The following PTPRD variants were observed in gnomAD, a reference collection of about 807,000 sequenced individuals.
PTPRD encodes the protein receptor-type tyrosine-protein phosphatase delta.
A neutral mutation model predicts 214.5 loss-of-function variants in PTPRD; 34 were observed. That is an observed-to-expected ratio of 0.16 (90% confidence interval 0.12 to 0.21). The LOEUF is 0.21. PTPRD is among the 10% of genes least tolerant of loss of function. The probability of loss-of-function intolerance (pLI) is 1.00; values close to 1 mark genes in which losing one functional copy is unlikely to be tolerated. For missense variants in PTPRD, 2,545 were observed against 2,398.7 expected, an observed-to-expected ratio of 1.06 and a Z score of -1.27; for synonymous variants, 1,128 against 845.7, an observed-to-expected ratio of 1.33 and a Z score of -5.79.
intron 2 of PTPRD, among the ~76,000 whole-genome samples, chr9:10,427,919 T>C (rs2098638911): frequency 6.6e-6 from 1 of 152,144 alleles, no homozygotes; most frequent in Non-Finnish European, 1.5e-5. Context: ...CTTAAGCATA[T>C]TCTTTCAAAA....
At chr9:9,470,960 T>C (rs2094546898) in intron 8 of PTPRD, among the ~76,000 whole-genome samples, 1 of 152,194 alleles carries the variant, frequency 6.6e-6, no homozygotes, top group Non-Finnish European at 1.5e-5. Flanking sequence ...CTGGATCTTT[T>C]CCTCACAAAT....
chr9:8,820,303 G>C (rs931299007), intron 11 of PTPRD, among the ~76,000 whole-genome samples: 4 of 152,086 alleles, frequency 2.6e-5, no homozygotes, highest in African/African-American at 9.7e-5. Flanking sequence ...AAGTGGCAGA[G>C]CTACTTACTG....
At chr9:10,052,412 C>T (rs1249092573) in intron 3 of PTPRD, among the ~76,000 whole-genome samples, 1 of 152,074 alleles carries the variant, frequency 6.6e-6, no homozygotes, top group East Asian at 1.9e-4. Context: ...TGTGTCATTC[C>T]CCACCTTCAA....
chr9:8,459,239 T>G (rs994852039), intron 33 of PTPRD, among the ~76,000 whole-genome samples: 2 of 152,012 alleles, frequency 1.3e-5, no homozygotes, highest in Non-Finnish European at 2.9e-5. Context: ...AGATTAAGCA[T>G]GTAAGCAAGA....
intron 10 of PTPRD, among the ~76,000 whole-genome samples, chr9:9,098,531 G>A (rs947689329): frequency 6.6e-6 from 1 of 152,162 alleles, no homozygotes; most frequent in African/African-American, 2.4e-5. Context: ...TTATAGGCAT[G>A]AGCCACCATG....
At chr9:8,791,114 G>A (rs1300424122) in intron 11 of PTPRD, among the ~76,000 whole-genome samples, 2 of 152,174 alleles carry the variant, frequency 1.3e-5, no homozygotes, top group African/African-American at 2.4e-5. Flanking sequence ...GCAGAAGAAA[G>A]TAGAATCCTC....
chr9:8,813,806 G>T (rs368058130), intron 11 of PTPRD, among the ~76,000 whole-genome samples: 1 of 152,208 alleles, frequency 6.6e-6, no homozygotes, highest in Non-Finnish European at 1.5e-5. Flanking sequence ...CAGTTCTGCT[G>T]TCTAATATCA....
At chr9:9,928,302 T>C (rs777500803) in intron 5 of PTPRD, among the ~76,000 whole-genome samples, 1 of 152,168 alleles carries the variant, frequency 6.6e-6, no homozygotes, top group Non-Finnish European at 1.5e-5. Flanking sequence ...TTAAATTTCA[T>C]ACCACATTAT....
chr9:8,771,668 T>C (rs949725656), intron 11 of PTPRD, among the ~76,000 whole-genome samples: 1 of 152,144 alleles, frequency 6.6e-6, no homozygotes, highest in Admixed American at 6.5e-5. Context: ...TCCAAAGTCA[T>C]CTAAAAAGAA....
chr9:9,492,500 C>A (rs934815844), intron 8 of PTPRD, among the ~76,000 whole-genome samples: 3 of 151,996 alleles, frequency 2.0e-5, no homozygotes, highest in African/African-American at 7.2e-5. Flanking sequence ...CAAAATGGTA[C>A]AACATATGAC....
At chr9:8,818,801 G>C (rs10977309) in intron 11 of PTPRD, among the ~76,000 whole-genome samples, 20,863 of 152,196 alleles carry the variant, frequency 0.14, 1,643 homozygotes, top group East Asian at 0.25. Flanking sequence ...TCACGATTTT[G>C]AATTTCAAAT....
intron 3 of PTPRD, among the ~76,000 whole-genome samples, chr9:10,276,973 G>A (rs1224033334): frequency 1.3e-5 from 2 of 152,020 alleles, no homozygotes; most frequent in Non-Finnish European, 2.9e-5. Flanking sequence ...CAATTATTTT[G>A]CCCTGGATAC....
intron 5 of PTPRD, among the ~76,000 whole-genome samples, chr9:9,793,260 G>A (rs367815597): frequency 5.9e-5 from 9 of 152,162 alleles, no homozygotes; most frequent in African/African-American, 2.2e-4. Context: ...GCTTTACTAT[G>A]AATAAAATGG....
chr9:9,131,599 T>A (rs949421284), intron 10 of PTPRD, among the ~76,000 whole-genome samples: 3 of 152,192 alleles, frequency 2.0e-5, no homozygotes, highest in Non-Finnish European at 4.4e-5. Flanking sequence ...TACAGAGAAG[T>A]ACACATAGTA....
At chr9:10,154,090 C>T (rs1222043860) in intron 3 of PTPRD, among the ~76,000 whole-genome samples, 2 of 152,144 alleles carry the variant, frequency 1.3e-5, no homozygotes, top group African/African-American at 4.8e-5. Context: ...ACACTCCCTA[C>T]AACAGTGTAT....
intron 7 of PTPRD, among the ~76,000 whole-genome samples, chr9:9,596,777 G>T (rs1021591111): frequency 6.6e-6 from 1 of 151,920 alleles, no homozygotes; most frequent in Non-Finnish European, 1.5e-5. Context: ...GTTAGCTTAA[G>T]TTAATTCTAA....
chr9:10,316,102 T>C lies in PTPRD; in HGVS notation c.-545+24861A>G, dbSNP rs117653618. 4.8e-3 allele frequency among the ~76,000 whole-genome samples: 669 copies of C among 139,426 alleles called. 2 individuals carry two copies. The highest frequency in any genetic ancestry group is 7.8e-3 in the Non-Finnish European group (516 of 65,874). The allele number at this position is 139,426 out of a possible 152,430, so 91.5% of individuals were successfully genotyped here. ...ATATATATGATGCTAAGGTAATTTA[T>C]GTGTATGTGTCTATATATATATATA... On this transcript the variant is annotated intron_variant, in intron 3 of 45. Transcript: ENST00000381196.
At chr9:8,367,858 C>T (rs1381087822) in intron 39 of PTPRD, among the ~76,000 whole-genome samples, 1 of 152,176 alleles carries the variant, frequency 6.6e-6, no homozygotes, top group Non-Finnish European at 1.5e-5. Flanking sequence ...AATCACTTTA[C>T]ACGGCTCTTA....
chr9:9,497,606 T>C (rs1040139715), intron 8 of PTPRD, among the ~76,000 whole-genome samples: 1 of 152,130 alleles, frequency 6.6e-6, no homozygotes, highest in Admixed American at 6.5e-5. Flanking sequence ...AGAACATTTG[T>C]CCATGTCAAC....
Sources: gnomAD v4.1 joint callset for allele counts (sites outside exome capture counted in the v4.1 genomes callset) on GRCh38, gnomAD v4.1.1 for gene constraint, MANE v1.5 for transcripts, NCBI Gene and HGNC (gene_info 2026-07-23, HGNC 2026-07-21) for gene names.